The following TMEFF2 variants were observed in gnomAD, a reference collection of about 807,000 sequenced individuals.
The protein encoded by TMEFF2 is transmembrane protein with EGF like and two follistatin like domains 2, also known as tomoregulin-2.
A neutral mutation model predicts 53.8 loss-of-function variants in TMEFF2; 28 were observed. The observed-to-expected ratio is 0.52, with a 90% CI of 0.39 to 0.71. The LOEUF (loss-of-function observed/expected upper bound fraction) is 0.71. TMEFF2 is among the 30% of genes least tolerant of loss of function. The pLI is 0.00. For missense variants in TMEFF2, 353 were observed against 455.2 expected, an observed-to-expected ratio of 0.78 and a Z score of 2.04; for synonymous variants, 162 against 166.3, an observed-to-expected ratio of 0.97 and a Z score of 0.20.
Position 191,994,104 on chromosome 2 carries a change from A to G in TMEFF2, c.745+4158T>C, listed in dbSNP as rs1574274016. On this transcript the variant is annotated intron_variant, in intron 7 of 9. Transcript: ENST00000272771. Reference sequence around the variant, plus strand: ...TGTTGAATGAATTGATTCAACCATAATTTCTTCTTTTGTATTGGTTGCAAA... The same window carrying G: ...TGTTGAATGAATTGATTCAACCATAGTTTCTTCTTTTGTATTGGTTGCAAA... Among the ~76,000 whole-genome samples the G allele has an allele frequency of 2.0e-5, 3 of 152,120 alleles. No individual in the cohort carries two copies. The South Asian group carries it at 6.2e-4, about 32-fold the overall frequency.
chr2:192,088,122 A>T (rs887771368), intron 4 of TMEFF2, among the ~76,000 whole-genome samples: 6 of 152,126 alleles, frequency 3.9e-5, no homozygotes, highest in Admixed American at 3.3e-4. Flanking sequence ...GTTTCTTTGT[A>T]GGGCCTCTGA....
At chr2:192,021,178 G>T (rs1330815941) in intron 5 of TMEFF2, among the ~76,000 whole-genome samples, 1 of 152,000 alleles carries the variant, frequency 6.6e-6, no homozygotes, top group Non-Finnish European at 1.5e-5. Flanking sequence ...TGGGGTTGAG[G>T]ACACTTACTT....
chr2:192,140,031 A>G (rs1274358173), intron 4 of TMEFF2, among the ~76,000 whole-genome samples: 1 of 152,110 alleles, frequency 6.6e-6, no homozygotes, highest in Non-Finnish European at 1.5e-5. Context: ...GCTGGAAAAA[A>G]CTGACTGCTA....
intron 4 of TMEFF2, among the ~76,000 whole-genome samples, chr2:192,104,359 T>C (rs1453146930): frequency 6.6e-6 from 1 of 152,158 alleles, no homozygotes; most frequent in Non-Finnish European, 1.5e-5. Context: ...AATTTCCACT[T>C]AGGTTAGTTT....
rs1435960631 is a variant in TMEFF2, at chr2:191,956,242, G to A, written c.869+13C>T. 5.6e-6 allele frequency: 9 copies of A among 1,601,598 alleles called. No individual in the cohort carries two copies. Among genetic ancestry groups the A allele is most frequent in the African/African-American group, 4.0e-5 (3 of 74,170 alleles). ...CTTTATACATTAACTATTCTTGCGA[G>A]TAAAAATGTTACCTGCAAGATGGCT... On this transcript the variant is annotated intron_variant, in intron 8 of 9. Transcript: ENST00000272771.
Position 192,116,967 on chromosome 2 carries a change from T to TC in TMEFF2, c.440-59193dup, listed in dbSNP as rs1689428654. Among the ~76,000 whole-genome samples, 3 of 152,190 alleles carry TC rather than the reference T, an allele frequency of 2.0e-5. No homozygotes were observed. The East Asian group carries it at 5.8e-4, about 29-fold the overall frequency. ...ACATCTTATTTATATAGCTATTTTT[T>TC]CAAAAACGTATTTTTCTTATTTTCA... On this transcript the variant is annotated intron_variant, in intron 4 of 9. Coordinates refer to ENST00000272771, the MANE Select transcript of TMEFF2 (RefSeq NM_016192.4).
chr2:192,135,088 C>T (rs1199530978), intron 4 of TMEFF2, among the ~76,000 whole-genome samples: 2 of 152,192 alleles, frequency 1.3e-5, no homozygotes, highest in Non-Finnish European at 2.9e-5. Context: ...ACCGGACCAA[C>T]TTAGACTGTG....
intron 7 of TMEFF2, among the ~76,000 whole-genome samples, chr2:191,965,239 C>T (rs1692437568): frequency 6.6e-6 from 1 of 152,080 alleles, no homozygotes; most frequent in Admixed American, 6.5e-5. Context: ...GATCCTTCTC[C>T]CACTTCCTTC....
At chr2:192,190,475 T>C in intron 2 of TMEFF2, among the ~76,000 whole-genome samples, 1 of 152,210 alleles carries the variant, frequency 6.6e-6, no homozygotes, top group East Asian at 1.9e-4. Context: ...TCTCATACTC[T>C]ATCTCTCTCA....
chr2:191,950,111 A>T lies in TMEFF2; in HGVS notation c.*200T>A. 7.5e-7 allele frequency: 1 copy of T among 1,324,788 alleles called. No individual in the cohort carries two copies. The highest frequency in any genetic ancestry group is 9.7e-7 in the Non-Finnish European group (1 of 1,036,170). 82.1% of individuals were successfully genotyped at this position (1,324,788 alleles called of 1,614,324 possible). A position where few individuals can be genotyped will look rare whatever the true frequency, so the allele number is the denominator to read the frequency against. On this transcript the variant is annotated 3_prime_UTR_variant, in exon 10 of 10. Transcript: ENST00000272771. ...TATAAATAGTTTATTTACATTACAGAAAAAACATCAAGACAATGTATACTA... is the reference window on the plus strand; with the variant it reads ...TATAAATAGTTTATTTACATTACAGTAAAAACATCAAGACAATGTATACTA...
intron 4 of TMEFF2, among the ~76,000 whole-genome samples, chr2:192,115,730 A>G (rs1689388861): frequency 6.6e-6 from 1 of 152,074 alleles, no homozygotes; most frequent in Non-Finnish European, 1.5e-5. Context: ...GTCAACAGTT[A>G]TATGAAAAGG....
intron 4 of TMEFF2, among the ~76,000 whole-genome samples, chr2:192,162,140 A>C (rs567375051): frequency 5.3e-5 from 8 of 152,154 alleles, no homozygotes; most frequent in Non-Finnish European, 1.2e-4. Flanking sequence ...GAAGAAGGCA[A>C]ATGACCCCAA....
intron 4 of TMEFF2, among the ~76,000 whole-genome samples, chr2:192,132,573 G>T (rs948885066): frequency 2.0e-5 from 3 of 151,852 alleles, no homozygotes; most frequent in African/African-American, 7.2e-5. Flanking sequence ...AAAAAAAAAA[G>T]TTGCAATTCC....
At chr2:192,135,982 C>T (rs1194398646) in intron 4 of TMEFF2, among the ~76,000 whole-genome samples, 4 of 151,804 alleles carry the variant, frequency 2.6e-5, no homozygotes, top group African/African-American at 9.7e-5. Flanking sequence ...TCCTATAAAA[C>T]GGCCCCACCC....
At chr2:192,102,346 A>C (rs886429615) in intron 4 of TMEFF2, among the ~76,000 whole-genome samples, 6 of 152,114 alleles carry the variant, frequency 3.9e-5, no homozygotes, top group African/African-American at 1.4e-4. Context: ...ATCTCGGAGC[A>C]TTTTCTTTCA....
At chr2:192,111,266 T>C (rs1689269828) in intron 4 of TMEFF2, among the ~76,000 whole-genome samples, 1 of 152,156 alleles carries the variant, frequency 6.6e-6, no homozygotes, top group Non-Finnish European at 1.5e-5. Flanking sequence ...TAGAGACTTG[T>C]TGAATGGCTT....
intron 5 of TMEFF2, among the ~76,000 whole-genome samples, chr2:192,019,474 C>T (rs35310375): frequency 6.6e-6 from 1 of 151,834 alleles, no homozygotes; most frequent in African/African-American, 2.4e-5. Flanking sequence ...TGACTTAATT[C>T]TGAGCTTAAG....
chr2:192,194,329 CG>C lies in TMEFF2; in HGVS notation c.172+23del, dbSNP rs770234405. The C allele has an allele frequency of 6.2e-7, 1 of 1,611,918 alleles. No individual in the cohort carries two copies. The highest frequency in any genetic ancestry group is 1.3e-5 in the African/African-American group (1 of 74,966). ...GTGTTCTTCTGCGGAGTTAAAGGGT[CG>C]GGGACGGGGGTTCTGGACTTACCAG... On this transcript the variant is annotated intron_variant, in intron 1 of 9. Transcript: ENST00000272771. The surrounding 1 kb of genome is among the most constrained non-coding windows in gnomAD (Gnocchi z 4.2).
chr2:192,065,860 T>C (rs953332092), intron 4 of TMEFF2, among the ~76,000 whole-genome samples: 3 of 151,726 alleles, frequency 2.0e-5, no homozygotes, highest in African/African-American at 7.2e-5. Flanking sequence ...AAATAAAAAC[T>C]CTCCATTCTG....
Sources: allele counts gnomAD v4.1 joint callset (sites outside exome capture counted in the v4.1 genomes callset), GRCh38; gene constraint gnomAD v4.1.1; non-coding constraint Gnocchi (gnomAD v3.1); transcripts MANE v1.5; gene names NCBI Gene and HGNC (gene_info 2026-07-23, HGNC 2026-07-21).